MYCT1: variants seen among roughly 807,000 people sequenced by gnomAD.
MYCT1 encodes the protein MYC target 1.
MYCT1 carries 12 observed loss-of-function variants against 15.0 expected under a neutral mutation model. That is an observed-to-expected ratio of 0.80 (90% CI 0.51 to 1.29). The LOEUF (loss-of-function observed/expected upper bound fraction) is 1.29, where lower values mean the gene tolerates loss of function less well. Among genes scored for constraint, MYCT1 ranks in the 50% most tolerant of loss-of-function variants. The pLI, the probability that MYCT1 is intolerant of heterozygous loss-of-function variation, is 0.00. For missense variants in MYCT1, 287 were observed against 279.1 expected (o/e 1.03, Z -0.20); for synonymous variants, 104 against 102.7 (o/e 1.01, Z -0.07).
At chr6:152,745,497 G>A in the MYCT1 span, among the ~76,000 whole-genome samples, 1 of 152,086 alleles carries the variant, frequency 6.6e-6, no homozygotes, top group Non-Finnish European at 1.5e-5. Context: ...TCATTTCTAG[G>A]TAAAGGCAAT....
At chr6:152,731,001 A>G in the MYCT1 span, among the ~76,000 whole-genome samples, 1 of 152,224 alleles carries the variant, frequency 6.6e-6, no homozygotes. Context: ...ACAGAAAATA[A>G]TAATGAAAAC....
chr6:152,745,008 G>C, the MYCT1 span, among the ~76,000 whole-genome samples: 1 of 152,126 alleles, frequency 6.6e-6, no homozygotes, highest in Non-Finnish European at 1.5e-5. Flanking sequence ...CAAAGTTGGA[G>C]ACCAGCTGGA....
the MYCT1 span, among the ~76,000 whole-genome samples, chr6:152,729,644 A>G: frequency 6.6e-6 from 1 of 152,180 alleles, no homozygotes; most frequent in Non-Finnish European, 1.5e-5. Context: ...CAGTTAGAAA[A>G]ACACAAATTA....
At chr6:152,744,409 A>G in the MYCT1 span, among the ~76,000 whole-genome samples, 1 of 150,594 alleles carries the variant, frequency 6.6e-6, no homozygotes, top group African/African-American at 2.5e-5. Context: ...TGGGAATGGG[A>G]GTACACTAGG....
intron 1 of MYCT1, among the ~76,000 whole-genome samples, chr6:152,698,521 G>A (rs2099720797): frequency 6.6e-6 from 1 of 152,010 alleles, no homozygotes; most frequent in Non-Finnish European, 1.5e-5. Flanking sequence ...TTTATTTTAT[G>A]AAACTGAGAT....
the MYCT1 span, among the ~76,000 whole-genome samples, chr6:152,738,208 A>C: frequency 6.6e-6 from 1 of 152,098 alleles, no homozygotes; most frequent in African/African-American, 2.4e-5. Flanking sequence ...ATTAACAACT[A>C]TCATAGACAT....
intron 1 of MYCT1, among the ~76,000 whole-genome samples, chr6:152,705,063 T>C (rs1335972614): frequency 2.0e-5 from 3 of 152,196 alleles, no homozygotes; most frequent in African/African-American, 7.2e-5. Flanking sequence ...TCTTCTTTTT[T>C]ACATTCCACA....
chr6:152,699,707 T>C (rs567796499), intron 1 of MYCT1, among the ~76,000 whole-genome samples: 1 of 152,176 alleles, frequency 6.6e-6, no homozygotes, highest in South Asian at 2.1e-4. Context: ...AGTCAATCTA[T>C]TTTTTTCAAA....
chr6:152,704,893 C>G (rs184504899), intron 1 of MYCT1, among the ~76,000 whole-genome samples: 1 of 152,046 alleles, frequency 6.6e-6, no homozygotes, highest in Non-Finnish European at 1.5e-5. Context: ...ACTTTTTTGG[C>G]CAATTTCAAG....
At chr6:152,728,164 GAAA>G (rs5881002), downstream of MYCT1, among the ~76,000 whole-genome samples, 1 of 143,466 alleles carries the variant, frequency 7.0e-6, no homozygotes, top group South Asian at 2.2e-4. Flanking sequence ...CCTCTGTCTG[GAAA>G]AAAAAAAAAA....
chr6:152,719,929 C>T (rs1402827785), intron 1 of MYCT1, among the ~76,000 whole-genome samples: 1 of 152,112 alleles, frequency 6.6e-6, no homozygotes, highest in Non-Finnish European at 1.5e-5. Context: ...GAGTTTGGAA[C>T]CCTTTATCAG....
At chr6:152,707,212 T>TGA (rs1214590728) in intron 1 of MYCT1, among the ~76,000 whole-genome samples, 1 of 152,124 alleles carries the variant, frequency 6.6e-6, no homozygotes, top group African/African-American at 2.4e-5. Flanking sequence ...ATGTGTGAGA[T>TGA]GATATTCCAT....
At chr6:152,731,535 G>A in the MYCT1 span, among the ~76,000 whole-genome samples, 1 of 151,952 alleles carries the variant, frequency 6.6e-6, no homozygotes, top group Non-Finnish European at 1.5e-5. Context: ...GCTATCCCAC[G>A]ACAGGCCCTG....
Position 152,723,322 on chromosome 6 carries a change from C to T in MYCT1, c.*1069C>T, listed in dbSNP as rs2099725053. The T allele has an allele frequency of 1.3e-5, 2 of 152,254 alleles. No individual in the cohort carries two copies. The highest frequency in any genetic ancestry group is 4.8e-5 in the African/African-American group (2 of 41,572). 9.4% of individuals were successfully genotyped at this position (152,254 alleles called of 1,614,324 possible). On this transcript the variant is annotated 3_prime_UTR_variant, in exon 2 of 2. Coordinates refer to ENST00000367245, the MANE Select transcript of MYCT1 (RefSeq NM_025107.3). The stretch of plus-strand genomic sequence containing the variant: ...TGTTAGAAAAGCAACAGGAAAAAAT[C>T]CAATTCATTTGACCTAAAAACAAGC...
chr6:152,731,617 G>C, the MYCT1 span, among the ~76,000 whole-genome samples: 2 of 152,038 alleles, frequency 1.3e-5, no homozygotes, highest in African/African-American at 2.4e-5. Flanking sequence ...GAGAACATGC[G>C]GTGTTTGGTT....
chr6:152,724,953 T>C (rs2099725379), downstream of MYCT1, among the ~76,000 whole-genome samples: 1 of 151,932 alleles, frequency 6.6e-6, no homozygotes, highest in Non-Finnish European at 1.5e-5. Context: ...TACAGAATTA[T>C]TTAATTATTT....
At position 152,720,393 on chromosome 6, in the gene MYCT1, T is replaced by C. The variant is rs6915613; in HGVS notation, c.197-1349T>C. 1.5e-3 allele frequency among the ~76,000 whole-genome samples: 235 copies of C among 152,218 alleles called. 1 individual carries two copies. Among genetic ancestry groups the C allele is most frequent in the African/African-American group, 5.5e-3 (228 of 41,544 alleles). ...TGGGGAAATAGACTCTATCTCTTGA[T>C]GGGAGGAACAGCAAAACGTTTGTGG... On this transcript the variant is annotated intron_variant, in intron 1 of 1. Coordinates refer to ENST00000367245, the MANE Select transcript of MYCT1 (RefSeq NM_025107.3).
At chr6:152,708,384 A>T (rs941644007) in intron 1 of MYCT1, among the ~76,000 whole-genome samples, 1 of 152,076 alleles carries the variant, frequency 6.6e-6, no homozygotes, top group African/African-American at 2.4e-5. Flanking sequence ...TTTCAATATA[A>T]AAAACAAGCT....
chr6:152,729,157 C>T (rs2099726147), downstream of MYCT1, among the ~76,000 whole-genome samples: 2 of 152,138 alleles, frequency 1.3e-5, no homozygotes, highest in Non-Finnish European at 2.9e-5. Flanking sequence ...GAAAAGAACT[C>T]TAACAATATC....
Sources: gnomAD v4.1 joint callset for allele counts (sites outside exome capture counted in the v4.1 genomes callset) on GRCh38, gnomAD v4.1.1 for gene constraint, MANE v1.5 for transcripts, NCBI Gene and HGNC (gene_info 2026-07-23, HGNC 2026-07-21) for gene names.